The following EPHB1 variants were observed in gnomAD, a reference collection of about 807,000 sequenced individuals.
EPHB1 encodes ephrin type-B receptor 1.
Under a neutral mutation model 94.4 loss-of-function variants are expected in EPHB1, and 30 were observed. The observed-to-expected ratio is 0.32, with a 90% CI of 0.24 to 0.43. The LOEUF is 0.43. Among genes scored for constraint, EPHB1 ranks in the 20% least tolerant of loss-of-function variants. The pLI is 1.00. For missense variants in EPHB1, 1,055 were observed against 1,308.3 expected (o/e 0.81, Z 2.99); for synonymous variants, 522 against 489.1 (o/e 1.07, Z -0.89).
intron 3 of EPHB1, among the ~76,000 whole-genome samples, chr3:134,964,424 C>T (rs988805154): frequency 4.2e-4 from 64 of 152,220 alleles, no homozygotes; most frequent in Non-Finnish European, 5.6e-4. Flanking sequence ...GTGATAATGT[C>T]TCAGTTTGAC....
At chr3:135,039,245 T>G (rs1022619138) in intron 3 of EPHB1, among the ~76,000 whole-genome samples, 1 of 152,124 alleles carries the variant, frequency 6.6e-6, no homozygotes, top group African/African-American at 2.4e-5. Flanking sequence ...AGAGTGTCGA[T>G]TGGTGCACTC....
At chr3:135,183,587 G>A (rs1942249664) in intron 10 of EPHB1, among the ~76,000 whole-genome samples, 1 of 152,206 alleles carries the variant, frequency 6.6e-6, no homozygotes, top group Non-Finnish European at 1.5e-5. Context: ...GCCACTCAGT[G>A]AGAGGAAGGC....
chr3:134,875,386 T>C (rs920933105), intron 1 of EPHB1, among the ~76,000 whole-genome samples: 3 of 152,066 alleles, frequency 2.0e-5, no homozygotes, highest in Non-Finnish European at 4.4e-5. Context: ...CTACCGGCAA[T>C]GGAGACGGGC....
chr3:135,161,929 T>G, intron 6 of EPHB1, 89 bp from the exon 7 acceptor site: 4 of 1,394,156 alleles, frequency 2.9e-6, no homozygotes, highest in South Asian at 1.5e-5. Flanking sequence ...GACCAAGAAA[T>G]GATGGGGCCT....
At chr3:134,848,663 G>C (rs967326623) in intron 1 of EPHB1, among the ~76,000 whole-genome samples, 1 of 152,180 alleles carries the variant, frequency 6.6e-6, no homozygotes, top group Non-Finnish European at 1.5e-5. Flanking sequence ...GAGACTTTGC[G>C]GGAGCCGTTG....
chr3:135,181,065 G>A (rs1942140245), intron 10 of EPHB1, among the ~76,000 whole-genome samples: 1 of 152,104 alleles, frequency 6.6e-6, no homozygotes, highest in South Asian at 2.1e-4. Context: ...ATCTTTAGGG[G>A]GAATGTCACC....
chr3:135,242,485 C>T (rs892714552), intron 13 of EPHB1, among the ~76,000 whole-genome samples: 14 of 152,114 alleles, frequency 9.2e-5, no homozygotes, highest in African/African-American at 3.4e-4. Context: ...TGGCAACTTC[C>T]CAGAGAGACT....
intron 3 of EPHB1, among the ~76,000 whole-genome samples, chr3:135,051,834 C>T (rs1237925414): frequency 6.6e-6 from 1 of 152,218 alleles, no homozygotes; most frequent in Non-Finnish European, 1.5e-5. Context: ...GATGCTGTCA[C>T]TCCTCAAATC....
At chr3:134,860,692 A>G (rs1284752971) in intron 1 of EPHB1, among the ~76,000 whole-genome samples, 17 of 150,272 alleles carry the variant, frequency 1.1e-4, no homozygotes, top group Non-Finnish European at 1.5e-4. Flanking sequence ...AGGTGCCTGT[A>G]GTCCCAGCTA....
chr3:135,202,719 C>T (rs1379780960), intron 12 of EPHB1, among the ~76,000 whole-genome samples: 4 of 152,208 alleles, frequency 2.6e-5, no homozygotes, highest in African/African-American at 9.6e-5. Context: ...AGTCAGGAAA[C>T]AACAGATGCT....
chr3:135,132,178 A>C (rs1940442560), intron 4 of EPHB1, among the ~76,000 whole-genome samples: 1 of 152,168 alleles, frequency 6.6e-6, no homozygotes, highest in African/African-American at 2.4e-5. Context: ...ACATCTATTC[A>C]GGTGCTCTGG....
intron 12 of EPHB1, among the ~76,000 whole-genome samples, chr3:135,216,809 C>T (rs1943159817): frequency 6.6e-6 from 1 of 151,404 alleles, no homozygotes; most frequent in Non-Finnish European, 1.5e-5. Flanking sequence ...ATTAACACCT[C>T]AATCATTTCC....
At chr3:135,249,627 G>C in intron 15 of EPHB1, 136 bp downstream of exon 15, 1 of 943,780 alleles carries the variant, frequency 1.1e-6, no homozygotes, top group Admixed American at 2.8e-5. Flanking sequence ...CCTGGATGGG[G>C]AGCACCTTGG....
chr3:135,042,996 C>T (rs1936898764), intron 3 of EPHB1, among the ~76,000 whole-genome samples: 1 of 152,050 alleles, frequency 6.6e-6, no homozygotes, highest in Admixed American at 6.6e-5. Flanking sequence ...CATACGCCAC[C>T]ATACCTCGCT....
chr3:134,844,023 AT>A (rs550552358), intron 1 of EPHB1, among the ~76,000 whole-genome samples: 1 of 151,834 alleles, frequency 6.6e-6, no homozygotes, highest in Non-Finnish European at 1.5e-5. Flanking sequence ...TCTGAGTGTT[AT>A]TTTTTCCCCT....
At chr3:135,097,476 C>A (rs1938846461) in intron 3 of EPHB1, among the ~76,000 whole-genome samples, 2 of 152,146 alleles carry the variant, frequency 1.3e-5, no homozygotes, top group Admixed American at 1.3e-4. Flanking sequence ...TGAGACACTG[C>A]TCTTCTGTTT....
intron 3 of EPHB1, among the ~76,000 whole-genome samples, chr3:135,053,025 GTGTATATATA>G (rs922802550): frequency 3.3e-5 from 3 of 90,630 alleles, no homozygotes; most frequent in East Asian, 3.1e-4. Context: ...GTGTGTGTGT[GTGTATATATA>G]TATATATATA....
At chr3:135,156,278 T>C (rs1038528527) in intron 6 of EPHB1, among the ~76,000 whole-genome samples, 2 of 152,018 alleles carry the variant, frequency 1.3e-5, no homozygotes, top group Non-Finnish European at 2.9e-5. Context: ...GATATCCACC[T>C]GGGAGTTGTC....
intron 3 of EPHB1, among the ~76,000 whole-genome samples, chr3:135,039,843 G>GTT (rs1268622791): frequency 6.6e-6 from 1 of 152,220 alleles, no homozygotes; most frequent in Non-Finnish European, 1.5e-5. Flanking sequence ...TCCAGCCTTG[G>GTT]CCAGCCCAGA....
Sources: gnomAD v4.1 joint callset for allele counts (sites outside exome capture counted in the v4.1 genomes callset) on GRCh38, gnomAD v4.1.1 for gene constraint, MANE v1.5 for transcripts, NCBI Gene and HGNC (gene_info 2026-07-23, HGNC 2026-07-21) for gene names.